FAM184A: variants seen among roughly 807,000 people sequenced by gnomAD.
FAM184A encodes family with sequence similarity 184 member A.
FAM184A carries 99 observed loss-of-function variants against 143.8 expected under a neutral mutation model. That is an observed-to-expected ratio of 0.69 (90% CI 0.58 to 0.81). The LOEUF (loss-of-function observed/expected upper bound fraction) is 0.81. Ranked by LOEUF, FAM184A falls within the 40% of genes least tolerant of loss-of-function variation. FAM184A has a pLI of 0.00. For synonymous variants in FAM184A, 427 were observed against 446.4 expected (o/e 0.96, Z 0.55); for missense variants, 1,217 against 1,310.5 (o/e 0.93, Z 1.10).
At chr6:119,101,685 TG>T (rs1788640979) in intron 1 of FAM184A, among the ~76,000 whole-genome samples, 1 of 152,226 alleles carries the variant, frequency 6.6e-6, no homozygotes, top group South Asian at 2.1e-4. Context: ...ATGAATCTTT[TG>T]TATTCATATC....
At chr6:119,132,981 G>A (rs1374984152) in intron 1 of FAM184A, among the ~76,000 whole-genome samples, 1 of 152,228 alleles carries the variant, frequency 6.6e-6, no homozygotes, top group Non-Finnish European at 1.5e-5. Flanking sequence ...AGCGAAATCA[G>A]ATAGGATTTG....
At chr6:119,101,718 A>G (rs555956947) in intron 1 of FAM184A, among the ~76,000 whole-genome samples, 1 of 152,306 alleles carries the variant, frequency 6.6e-6, no homozygotes, top group East Asian at 1.9e-4. Flanking sequence ...CAAGTGGGAT[A>G]CATAGTAGGA....
chr6:119,010,117 T>TG (rs1455415555), intron 6 of FAM184A, among the ~76,000 whole-genome samples: 1 of 152,208 alleles, frequency 6.6e-6, no homozygotes, highest in Non-Finnish European at 1.5e-5. Context: ...TTGTGTGAAC[T>TG]GGGAGAAGAC....
chr6:119,059,963 T>TTA (rs1309841530), intron 1 of FAM184A, among the ~76,000 whole-genome samples: 2 of 152,228 alleles, frequency 1.3e-5, no homozygotes, highest in African/African-American at 2.4e-5. Flanking sequence ...AAAGGCTATC[T>TTA]TATAACTTGC....
chr6:119,059,540 G>A (rs1243703913), intron 1 of FAM184A, among the ~76,000 whole-genome samples: 1 of 152,064 alleles, frequency 6.6e-6, no homozygotes, highest in Non-Finnish European at 1.5e-5. Flanking sequence ...CCATTTCCCA[G>A]GGCTTGGTTT....
At chr6:119,016,971 C>G (rs762526133) in intron 4 of FAM184A, 27 bp from the exon 5 acceptor site, 1 of 1,508,080 alleles carries the variant, frequency 6.6e-7, no homozygotes, top group African/African-American at 1.4e-5. Context: ...GATCAATAAT[C>G]GGCACCTGCT....
At chr6:119,144,251 G>T (rs185626064) in intron 1 of FAM184A, among the ~76,000 whole-genome samples, 2,409 of 150,960 alleles carry the variant, frequency 0.016, 67 homozygotes, top group African/African-American at 0.056. Context: ...GGAGAATGGC[G>T]TGAACCTGGG....
intron 1 of FAM184A, among the ~76,000 whole-genome samples, chr6:119,085,293 C>T (rs2114812415): frequency 6.6e-6 from 1 of 152,284 alleles, no homozygotes; most frequent in East Asian, 1.9e-4. Flanking sequence ...GAACGCTTTG[C>T]TGTTTAGAAA....
intron 1 of FAM184A, among the ~76,000 whole-genome samples, chr6:119,064,425 G>T (rs1206641615): frequency 6.6e-6 from 1 of 152,184 alleles, no homozygotes; most frequent in Non-Finnish European, 1.5e-5. Context: ...CTGAGGCTGG[G>T]CATGGTGGCT....
intron 1 of FAM184A, among the ~76,000 whole-genome samples, chr6:119,044,217 A>C (rs1349231140): frequency 6.6e-6 from 1 of 152,218 alleles, no homozygotes; most frequent in Non-Finnish European, 1.5e-5. Flanking sequence ...AAATTGGGGA[A>C]GTAAAACTAT....
At chr6:118,987,205 C>T (rs988982313) in intron 9 of FAM184A, among the ~76,000 whole-genome samples, 1 of 152,136 alleles carries the variant, frequency 6.6e-6, no homozygotes, top group African/African-American at 2.4e-5. Context: ...TACAGTCATA[C>T]CTATTCGTTT....
At chr6:119,021,733 T>C (rs1160865763) in intron 3 of FAM184A, among the ~76,000 whole-genome samples, 1 of 152,052 alleles carries the variant, frequency 6.6e-6, no homozygotes, top group African/African-American at 2.4e-5. Context: ...CCCAGCACTT[T>C]GGGAGGCCAA....
intron 1 of FAM184A, among the ~76,000 whole-genome samples, chr6:119,106,061 T>C (rs1158062531): frequency 1.3e-5 from 2 of 152,170 alleles, no homozygotes; most frequent in Non-Finnish European, 2.9e-5. Flanking sequence ...TTGTCATTCG[T>C]GAATTGGATA....
At chr6:119,076,653 G>T (rs1475127476) in intron 1 of FAM184A, among the ~76,000 whole-genome samples, 1 of 152,180 alleles carries the variant, frequency 6.6e-6, no homozygotes, top group Admixed American at 6.5e-5. Flanking sequence ...GCTCTAGAGG[G>T]TTACATCTAA....
chr6:119,147,363 TGGGGATA>T (rs1772482318), intron 1 of FAM184A, among the ~76,000 whole-genome samples: 1 of 28,186 alleles, frequency 3.5e-5, no homozygotes, highest in Non-Finnish European at 6.7e-5. Context: ...TGATTCTGAC[TGGGGATA>T]GGGTGGGGTG....
At chr6:119,038,804 G>T (rs778388518) in intron 1 of FAM184A, among the ~76,000 whole-genome samples, 1 of 152,130 alleles carries the variant, frequency 6.6e-6, no homozygotes, top group Non-Finnish European at 1.5e-5. Flanking sequence ...TTGGGGTCTG[G>T]ATCGGGACCC....
chr6:119,139,011 A>G (rs984189432), intron 1 of FAM184A, among the ~76,000 whole-genome samples: 1 of 152,148 alleles, frequency 6.6e-6, no homozygotes, highest in African/African-American at 2.4e-5. Context: ...CCTTCACTGA[A>G]TCTCATCTGC....
intron 1 of FAM184A, among the ~76,000 whole-genome samples, chr6:119,135,113 TA>T (rs1318603982): frequency 6.6e-6 from 1 of 152,188 alleles, no homozygotes; most frequent in African/African-American, 2.4e-5. Context: ...ATGGATAAAC[TA>T]ATTGTGGTAT....
chr6:119,061,488 TG>T (rs1320222799), intron 1 of FAM184A, among the ~76,000 whole-genome samples: 1 of 150,436 alleles, frequency 6.6e-6, no homozygotes, highest in Non-Finnish European at 1.5e-5. Flanking sequence ...CCTAAGTATC[TG>T]GGACTACAGG....
Sources: allele counts gnomAD v4.1 joint callset (sites outside exome capture counted in the v4.1 genomes callset), GRCh38; gene constraint gnomAD v4.1.1; transcripts MANE v1.5; gene names NCBI Gene and HGNC (gene_info 2026-07-23, HGNC 2026-07-21).